Variants in FBXL17 observed in about 807,000 individuals in gnomAD.
The protein encoded by FBXL17 is F-box/LRR-repeat protein 17.
In FBXL17, 22 loss-of-function variants were observed where a neutral mutation model predicts 66.2. The ratio of observed to expected loss-of-function variants is 0.33; its 90% CI spans 0.24 to 0.47. The LOEUF (loss-of-function observed/expected upper bound fraction) is 0.47. Ranked by LOEUF, FBXL17 falls within the 20% of genes least tolerant of loss-of-function variation. FBXL17 has a pLI of 1.00. For missense variants in FBXL17, 878 were observed against 948.2 expected, an observed-to-expected ratio of 0.93 and a Z score of 0.97; for synonymous variants, 474 against 400.5, an observed-to-expected ratio of 1.18 and a Z score of -2.19.
At chr5:108,199,464 TC>T (rs1446698353) in intron 5 of FBXL17, among the ~76,000 whole-genome samples, 8 of 152,198 alleles carry the variant, frequency 5.3e-5, no homozygotes, top group Non-Finnish European at 1.2e-4. Context: ...GTGAAAATGA[TC>T]TTTCTATAAT....
intron 8 of FBXL17, among the ~76,000 whole-genome samples, chr5:107,868,841 C>T (rs1748359443): frequency 6.6e-6 from 1 of 152,130 alleles, no homozygotes; most frequent in African/African-American, 2.4e-5. Flanking sequence ...ACCACATGCA[C>T]AAAATATGCA....
chr5:108,315,672 T>G (rs1002054886), intron 4 of FBXL17, among the ~76,000 whole-genome samples: 3 of 151,392 alleles, frequency 2.0e-5, no homozygotes, highest in Non-Finnish European at 4.4e-5. Flanking sequence ...ACCATATGCT[T>G]ATTTAACTTC....
chr5:108,048,448 A>G (rs1013016482), intron 6 of FBXL17, among the ~76,000 whole-genome samples: 1 of 152,194 alleles, frequency 6.6e-6, no homozygotes, highest in Non-Finnish European at 1.5e-5. Context: ...AACTGGGCAG[A>G]AGATGAGACG....
chr5:107,935,411 A>ATG (rs55942635), intron 7 of FBXL17, among the ~76,000 whole-genome samples: 42 of 150,044 alleles, frequency 2.8e-4, no homozygotes, highest in Admixed American at 2.1e-3. Context: ...ATATATATAT[A>ATG]TGTGTGTGTG....
At position 107,983,247 on chromosome 5, in the gene FBXL17, C is replaced by T. The variant is rs576233707; in HGVS notation, c.1822+37678G>A. 5.9e-5 allele frequency among the ~76,000 whole-genome samples: 9 copies of T among 152,238 alleles called. 1 individual carries two copies. The highest frequency in any genetic ancestry group is 2.1e-4 in the South Asian group (1 of 4,822). On this transcript the variant is annotated intron_variant, in intron 7 of 8. Coordinates refer to ENST00000542267, the MANE Select transcript of FBXL17 (RefSeq NM_001163315.3). ...TTTGTTTGAGATAAGAGTCTCACTACGTCGCAGGATCATAGCTCACTGCAG... is the reference window on the plus strand; with the variant it reads ...TTTGTTTGAGATAAGAGTCTCACTATGTCGCAGGATCATAGCTCACTGCAG...
chr5:107,998,687 C>T (rs941187023), intron 7 of FBXL17, among the ~76,000 whole-genome samples: 4 of 151,956 alleles, frequency 2.6e-5, no homozygotes, highest in East Asian at 1.9e-4. Context: ...AGCAAAAACC[C>T]GAGAAACCTG....
At chr5:108,356,366 A>G (rs1747987400) in intron 3 of FBXL17, among the ~76,000 whole-genome samples, 1 of 152,172 alleles carries the variant, frequency 6.6e-6, no homozygotes, top group South Asian at 2.1e-4. Context: ...ATGCCCATGC[A>G]AAAACCTACA....
chr5:108,297,318 A>G (rs1758388869), intron 4 of FBXL17, among the ~76,000 whole-genome samples: 1 of 151,790 alleles, frequency 6.6e-6, no homozygotes, highest in South Asian at 2.1e-4. Flanking sequence ...GTCTTTAGAC[A>G]TAAGACCTTA....
intron 6 of FBXL17, among the ~76,000 whole-genome samples, chr5:108,106,081 C>CAAAAAAGCAATTGGTGTGAG (rs1749784550): frequency 1.5e-4 from 23 of 152,228 alleles, no homozygotes; most frequent in Admixed American, 7.2e-4. Context: ...GCAGTAAGTG[C>CAAAAAAGCAATTGGTGTGAG]TAAACTGGGA....
chr5:108,061,716 A>G (rs1747931704), intron 6 of FBXL17, among the ~76,000 whole-genome samples: 1 of 152,098 alleles, frequency 6.6e-6, no homozygotes. Flanking sequence ...ACTCTCCACA[A>G]TTTTGTTACT....
chr5:108,233,518 C>G (rs1755463766), intron 4 of FBXL17, among the ~76,000 whole-genome samples: 1 of 152,154 alleles, frequency 6.6e-6, no homozygotes, highest in South Asian at 2.1e-4. Flanking sequence ...AGAATGAGAT[C>G]AGCTTGCAAA....
chr5:107,934,552 G>A lies in FBXL17; in HGVS notation c.1823-53373C>T, dbSNP rs146876764. Among the ~76,000 whole-genome samples, 17 of 152,184 alleles carry A rather than the reference G, an allele frequency of 1.1e-4. No homozygotes were observed. The East Asian group carries it at 3.3e-3, about 29-fold the overall frequency. On this transcript the variant is annotated intron_variant, in intron 7 of 8. Transcript: ENST00000542267. ...TAGAAGTACACTCCCAACTTTAAAG[G>A]TTACTTTTTTACTTTCTTTCCTATT... is the stretch of plus-strand genomic sequence containing the variant.
chr5:108,353,903 A>G (rs1266652599), intron 3 of FBXL17, among the ~76,000 whole-genome samples: 3 of 152,184 alleles, frequency 2.0e-5, no homozygotes, highest in African/African-American at 7.2e-5. Context: ...TGAAAGTTGC[A>G]TTTCCCAGTA....
chr5:108,314,857 C>A (rs1221762395), intron 4 of FBXL17, among the ~76,000 whole-genome samples: 1 of 151,312 alleles, frequency 6.6e-6, no homozygotes, highest in Non-Finnish European at 1.5e-5. Context: ...ACACTGCAGA[C>A]TAGGTTAAGA....
chr5:107,903,148 ACT>A (rs1204952263), intron 7 of FBXL17, among the ~76,000 whole-genome samples: 1 of 152,078 alleles, frequency 6.6e-6, no homozygotes, highest in African/African-American at 2.4e-5. Flanking sequence ...CGGCAACATA[ACT>A]CTGGAAAATA....
intron 7 of FBXL17, among the ~76,000 whole-genome samples, chr5:107,957,053 C>A (rs1363464810): frequency 1.3e-5 from 2 of 152,130 alleles, no homozygotes; most frequent in Non-Finnish European, 2.9e-5. Flanking sequence ...AGGTTGACTC[C>A]TTTAATTTGA....
At chr5:108,330,084 T>G (rs1435578806) in intron 4 of FBXL17, among the ~76,000 whole-genome samples, 1 of 152,184 alleles carries the variant, frequency 6.6e-6, no homozygotes, top group African/African-American at 2.4e-5. Context: ...AAAAAATAAC[T>G]GAACCATATA....
intron 6 of FBXL17, among the ~76,000 whole-genome samples, chr5:108,021,379 A>C (rs1208378718): frequency 6.7e-6 from 1 of 150,282 alleles, no homozygotes; most frequent in East Asian, 1.9e-4. Flanking sequence ...AGATGGTTAT[A>C]TGCTCATGGT....
chr5:108,270,509 T>C (rs183375838), intron 4 of FBXL17, among the ~76,000 whole-genome samples: 19 of 149,776 alleles, frequency 1.3e-4, no homozygotes, highest in African/African-American at 4.6e-4. Flanking sequence ...ACAATTGTAA[T>C]GAAAAGGAGG....
Sources: allele counts gnomAD v4.1 joint callset (sites outside exome capture counted in the v4.1 genomes callset), GRCh38; gene constraint gnomAD v4.1.1; transcripts MANE v1.5; gene names NCBI Gene and HGNC (gene_info 2026-07-23, HGNC 2026-07-21).